The following LRGUK variants were observed in gnomAD, a reference collection of about 807,000 sequenced individuals.
LRGUK encodes the protein leucine rich repeats and guanylate kinase domain containing.
In LRGUK, 65 loss-of-function variants were observed where a neutral mutation model predicts 76.0. That is an observed-to-expected ratio of 0.85 (90% CI 0.70 to 1.05). The LOEUF is 1.05. Among genes scored for constraint, LRGUK ranks in the 50% least tolerant of loss-of-function variants. The probability of loss-of-function intolerance (pLI) is 0.00; values close to 1 mark genes in which losing one functional copy is unlikely to be tolerated. For missense variants in LRGUK, 758 were observed against 732.8 expected, an observed-to-expected ratio of 1.03 and a Z score of -0.40; for synonymous variants, 268 against 265.6, an observed-to-expected ratio of 1.01 and a Z score of -0.09.
intron 7 of LRGUK, 70 bp from the exon 8 acceptor site, chr7:134,174,486 C>G: frequency 1.0e-6 from 1 of 965,362 alleles, no homozygotes. Flanking sequence ...AAACTGGCTT[C>G]TATTGTATTA....
chr7:134,184,772 T>C (rs1330421489), intron 11 of LRGUK, among the ~76,000 whole-genome samples: 3 of 152,250 alleles, frequency 2.0e-5, no homozygotes, highest in Non-Finnish European at 4.4e-5. Context: ...TTTTTAACTT[T>C]AATTTTCCAA....
intron 7 of LRGUK, among the ~76,000 whole-genome samples, chr7:134,173,715 G>A (rs115008725): frequency 0.01 from 1,541 of 152,080 alleles, 21 homozygotes; most frequent in African/African-American, 0.03. Flanking sequence ...AAGAGTTCAA[G>A]GTGAACAGTA....
At chr7:134,192,462 G>A (rs1436729082) in intron 12 of LRGUK, among the ~76,000 whole-genome samples, 1 of 152,018 alleles carries the variant, frequency 6.6e-6, no homozygotes, top group African/African-American at 2.4e-5. Context: ...TTAAGTTTTG[G>A]GTTTTTGCAT....
chr7:134,201,628 A>C, intron 15 of LRGUK, 52 bp downstream of exon 15: 1 of 1,364,978 alleles, frequency 7.3e-7, no homozygotes, highest in South Asian at 1.2e-5. Context: ...CATGGAAAGG[A>C]AAACAAATCT....
chr7:134,237,973 T>C (rs1802053249), intron 16 of LRGUK, among the ~76,000 whole-genome samples: 1 of 152,040 alleles, frequency 6.6e-6, no homozygotes, highest in Admixed American at 6.6e-5. Context: ...CACAGAACAG[T>C]CTCAGAATAA....
chr7:134,237,631 T>G (rs1216099695), intron 16 of LRGUK, among the ~76,000 whole-genome samples: 1 of 152,178 alleles, frequency 6.6e-6, no homozygotes, highest in Non-Finnish European at 1.5e-5. Flanking sequence ...TTCTTGTGCT[T>G]TCCCTGTCCC....
intron 16 of LRGUK, 125 bp from the exon 17 acceptor site, chr7:134,247,431 C>A (rs1802331698): frequency 3.5e-6 from 2 of 573,366 alleles, no homozygotes; most frequent in East Asian, 3.0e-5. Context: ...GTTTTTTATG[C>A]CTTTTCCCCC....
chr7:134,205,689 G>C (rs534943285), intron 15 of LRGUK, among the ~76,000 whole-genome samples: 1 of 152,218 alleles, frequency 6.6e-6, no homozygotes, highest in East Asian at 1.9e-4. Context: ...ATGAAGCCTT[G>C]GTTTTCTATT....
downstream of LRGUK, among the ~76,000 whole-genome samples, chr7:134,267,045 G>A (rs1802869436): frequency 6.6e-6 from 1 of 152,030 alleles, no homozygotes; most frequent in Non-Finnish European, 1.5e-5. Flanking sequence ...ATGTCCTTCA[G>A]GTATGAAGGA....
intron 1 of LRGUK, among the ~76,000 whole-genome samples, chr7:134,128,552 A>G (rs961199752): frequency 1.3e-5 from 2 of 151,274 alleles, no homozygotes; most frequent in Admixed American, 1.3e-4. Context: ...CTTCCTTTCT[A>G]TTTTGTTTAT....
intron 17 of LRGUK, 97 bp downstream of exon 17, chr7:134,247,741 C>A: frequency 1.2e-6 from 1 of 847,048 alleles, no homozygotes; most frequent in Non-Finnish European, 1.9e-6. Flanking sequence ...AGACCTCTGT[C>A]CTAAAATGGA....
chr7:134,127,507 G>A, exon 1 of LRGUK: 3 of 1,614,182 alleles, frequency 1.9e-6, no homozygotes, highest in Non-Finnish European at 2.5e-6. Flanking sequence ...TTTCCCATGG[G>A]GCAGAAGACG....
chr7:134,239,371 G>A (rs761094852), intron 16 of LRGUK, among the ~76,000 whole-genome samples: 2 of 152,336 alleles, frequency 1.3e-5, no homozygotes, highest in East Asian at 1.9e-4. Flanking sequence ...CTTTTCCAAC[G>A]GCCTTAGCAA....
At chr7:134,260,827 A>G (rs561235485) in intron 19 of LRGUK, among the ~76,000 whole-genome samples, 13 of 152,218 alleles carry the variant, frequency 8.5e-5, no homozygotes, top group South Asian at 4.2e-4. Context: ...TCTGAGTTAG[A>G]TGACACAGAG....
At chr7:134,260,834 A>G (rs1173470757) in intron 19 of LRGUK, among the ~76,000 whole-genome samples, 1 of 152,204 alleles carries the variant, frequency 6.6e-6, no homozygotes, top group African/African-American at 2.4e-5. Flanking sequence ...TAGATGACAC[A>G]GAGACCAATC....
intron 15 of LRGUK, among the ~76,000 whole-genome samples, chr7:134,204,494 C>T (rs571389725): frequency 6.6e-6 from 1 of 152,268 alleles, no homozygotes; most frequent in East Asian, 1.9e-4. Context: ...GGTAGGTAGG[C>T]AGATTTGTAA....
chr7:134,143,001 T>C, intron 3 of LRGUK, 61 bp from the exon 4 acceptor site: 1 of 882,230 alleles, frequency 1.1e-6, no homozygotes, highest in Non-Finnish European at 1.9e-6. Context: ...ACACTGTTTT[T>C]AATGCCTTTG....
intron 16 of LRGUK, among the ~76,000 whole-genome samples, chr7:134,246,538 G>C (rs537876804): frequency 3.3e-5 from 5 of 152,228 alleles, no homozygotes; most frequent in African/African-American, 7.2e-5. Context: ...GATTAATCTG[G>C]AGTTGTGGTT....
intron 1 of LRGUK, among the ~76,000 whole-genome samples, chr7:134,134,038 G>A (rs1183628115): frequency 6.6e-6 from 1 of 151,780 alleles, no homozygotes; most frequent in East Asian, 1.9e-4. Context: ...TTTCAGCCCA[G>A]GTGACAGAGC....
Sources: gnomAD v4.1 joint callset for allele counts (sites outside exome capture counted in the v4.1 genomes callset) on GRCh38, gnomAD v4.1.1 for gene constraint, MANE v1.5 for transcripts, NCBI Gene and HGNC (gene_info 2026-07-23, HGNC 2026-07-21) for gene names.